WWOX: variants seen among roughly 807,000 people sequenced by gnomAD.
WWOX encodes the protein WW domain containing oxidoreductase, also known as WW domain-containing oxidoreductase.
WWOX carries 69 observed loss-of-function variants against 46.2 expected under a neutral mutation model. The ratio of observed to expected loss-of-function variants is 1.49; its 90% CI spans 1.23 to 1.82. The LOEUF is 1.82. Ranked by LOEUF, WWOX falls within the 40% of genes most tolerant of loss-of-function variation. The pLI, the probability that WWOX is intolerant of heterozygous loss-of-function variation, is 0.00. For synonymous variants in WWOX, 359 were observed against 202.6 expected (o/e 1.77, Z -6.56); for missense variants, 919 against 542.6 (o/e 1.69, Z -6.89).
At chr16:78,222,576 C>T (rs1270047372) in intron 5 of WWOX, among the ~76,000 whole-genome samples, 1 of 152,174 alleles carries the variant, frequency 6.6e-6, no homozygotes, top group Non-Finnish European at 1.5e-5. Context: ...GCGCTAGTGT[C>T]AGCCCTGGAA....
intron 8 of WWOX, among the ~76,000 whole-genome samples, chr16:78,463,486 G>T (rs1404200396): frequency 6.6e-6 from 1 of 152,150 alleles, no homozygotes; most frequent in African/African-American, 2.4e-5. Context: ...GTCCAGTTGT[G>T]CTGAGTAGCT....
At chr16:78,595,769 C>T (rs888602963) in intron 8 of WWOX, among the ~76,000 whole-genome samples, 2 of 152,200 alleles carry the variant, frequency 1.3e-5, no homozygotes, top group Non-Finnish European at 2.9e-5. Flanking sequence ...TAGCCATCAT[C>T]TCAAACCTTT....
chr16:78,426,933 A>G (rs2083093409), intron 7 of WWOX, among the ~76,000 whole-genome samples: 1 of 152,212 alleles, frequency 6.6e-6, no homozygotes, highest in South Asian at 2.1e-4. Flanking sequence ...CAGTGCTGTG[A>G]TTACAGGCGT....
At chr16:78,980,789 C>T (rs2046665410) in intron 8 of WWOX, among the ~76,000 whole-genome samples, 2 of 152,162 alleles carry the variant, frequency 1.3e-5, no homozygotes, top group Non-Finnish European at 2.9e-5. Flanking sequence ...GGCTTATTTT[C>T]ATCATCTGGA....
intron 5 of WWOX, among the ~76,000 whole-genome samples, chr16:78,329,754 T>C (rs1177712769): frequency 1.3e-5 from 2 of 151,572 alleles, no homozygotes; most frequent in Non-Finnish European, 2.9e-5. Flanking sequence ...TTCTTTCTTT[T>C]TTTTTTTTTT....
chr16:79,085,359 G>C (rs1424239398), intron 8 of WWOX, among the ~76,000 whole-genome samples: 4 of 152,126 alleles, frequency 2.6e-5, no homozygotes, highest in African/African-American at 9.7e-5. Context: ...AGGTTGAAGT[G>C]GACAGATGAT....
chr16:78,770,663 C>T (rs998353086), intron 8 of WWOX, among the ~76,000 whole-genome samples: 4 of 151,518 alleles, frequency 2.6e-5, no homozygotes, highest in South Asian at 2.1e-4. Flanking sequence ...CCGCCCCCTC[C>T]CCCCCTCCCC....
At chr16:78,523,691 C>G (rs1003047278) in intron 8 of WWOX, among the ~76,000 whole-genome samples, 9 of 152,192 alleles carry the variant, frequency 5.9e-5, no homozygotes, top group Non-Finnish European at 1.2e-4. Context: ...ATGGTTTCAG[C>G]ACATCACAGT....
At chr16:78,305,624 A>G (rs1028498021) in intron 5 of WWOX, among the ~76,000 whole-genome samples, 1 of 151,862 alleles carries the variant, frequency 6.6e-6, no homozygotes, top group Admixed American at 6.6e-5. Flanking sequence ...GCTTGAACAT[A>G]GGAGCACTTT....
intron 8 of WWOX, chr16:78,891,814 A>G (rs986456697): frequency 6.6e-6 from 1 of 152,190 alleles, no homozygotes; most frequent in African/African-American, 2.4e-5. Flanking sequence ...GAGAAATTTC[A>G]TATATGAAGG....
chr16:78,119,252 C>T (rs921217955), intron 4 of WWOX, among the ~76,000 whole-genome samples: 10 of 152,208 alleles, frequency 6.6e-5, no homozygotes, highest in South Asian at 2.1e-4. Flanking sequence ...GCCTTCAGCA[C>T]GGTGAACATT....
At chr16:78,443,321 AC>A (rs888863230) in intron 8 of WWOX, among the ~76,000 whole-genome samples, 4 of 151,788 alleles carry the variant, frequency 2.6e-5, no homozygotes, top group Non-Finnish European at 5.9e-5. Flanking sequence ...ACAAAAAAAA[AC>A]CCAAAACTAT....
At chr16:78,432,832 C>T in intron 8 of WWOX, 80 bp downstream of exon 8, 1 of 1,603,364 alleles carries the variant, frequency 6.2e-7, no homozygotes, top group Non-Finnish European at 8.5e-7. Context: ...CTTTTTACCT[C>T]TTGCGGGCAT....
chr16:78,202,248 A>C (rs1031799496), intron 5 of WWOX, among the ~76,000 whole-genome samples: 9 of 152,284 alleles, frequency 5.9e-5, no homozygotes, highest in African/African-American at 2.2e-4. Flanking sequence ...ACTGACGTGG[A>C]AGAGTTGTTG....
chr16:78,108,585 G>A, intron 2 of WWOX, 98 bp downstream of exon 2: 1 of 1,384,252 alleles, frequency 7.2e-7, no homozygotes, highest in African/African-American at 1.4e-5. Flanking sequence ...TGTTTAGGGA[G>A]GGCTCTCTGG....
At chr16:78,601,015 G>A (rs1037377590) in intron 8 of WWOX, among the ~76,000 whole-genome samples, 1 of 152,148 alleles carries the variant, frequency 6.6e-6, no homozygotes, top group Admixed American at 6.5e-5. Context: ...AGCATTGCCT[G>A]CACCCTCAAC....
At chr16:78,289,548 A>G (rs1336435333) in intron 5 of WWOX, among the ~76,000 whole-genome samples, 1 of 152,202 alleles carries the variant, frequency 6.6e-6, no homozygotes, top group East Asian at 1.9e-4. Flanking sequence ...ACTTTTCCCA[A>G]CAATCGGTTC....
At position 78,922,459 on chromosome 16, in the gene WWOX, A is replaced by C. The variant is rs544112577; in HGVS notation, c.1057-289149A>C. On this transcript the variant is annotated intron_variant, in intron 8 of 8. Coordinates refer to ENST00000566780, the MANE Select transcript of WWOX (RefSeq NM_016373.4). Reference sequence around the variant, plus strand: ...AGTGGCGTGACCTTGGCTCACTGCAATTTCTACCTCCCGGGTTCAAGCGAT... The same window carrying C: ...AGTGGCGTGACCTTGGCTCACTGCACTTTCTACCTCCCGGGTTCAAGCGAT... Among the ~76,000 whole-genome samples the C allele has an allele frequency of 6.0e-5, 9 of 150,872 alleles. 1 individual carries two copies. The highest frequency in any genetic ancestry group is 2.0e-4 in the African/African-American group (8 of 41,024).
intron 8 of WWOX, among the ~76,000 whole-genome samples, chr16:78,726,546 A>G (rs1399127297): frequency 1.3e-5 from 2 of 152,144 alleles, no homozygotes; most frequent in Non-Finnish European, 2.9e-5. Context: ...TCTTAATTCA[A>G]TACACAGTAG....
Sources: allele counts gnomAD v4.1 joint callset (sites outside exome capture counted in the v4.1 genomes callset), GRCh38; gene constraint gnomAD v4.1.1; transcripts MANE v1.5; gene names NCBI Gene and HGNC (gene_info 2026-07-23, HGNC 2026-07-21).